The following MROH2B variants were observed in gnomAD, a reference collection of about 807,000 sequenced individuals.
MROH2B encodes the protein maestro heat like repeat family member 2B.
In MROH2B, 177 loss-of-function variants were observed where a neutral mutation model predicts 208.6. The observed-to-expected ratio is 0.85, with a 90% confidence interval of 0.75 to 0.96. MROH2B has a LOEUF of 0.96. MROH2B is among the 40% of genes least tolerant of loss of function. The pLI is 0.00. For missense variants in MROH2B, 2,002 were observed against 1,878.7 expected, an observed-to-expected ratio of 1.07 and a Z score of -1.21; for synonymous variants, 728 against 659.0, an observed-to-expected ratio of 1.10 and a Z score of -1.60.
Position 41,070,930 on chromosome 5 carries a change from G to T in MROH2B, c.-78C>A. The T allele has an allele frequency of 4.8e-6, 7 of 1,472,916 alleles. No individual in the cohort carries two copies. Among genetic ancestry groups the T allele is most frequent in the Non-Finnish European group, 6.5e-6 (7 of 1,070,436 alleles). The allele number at this position is 1,472,916 out of a possible 1,614,324, so 91.2% of individuals were successfully genotyped here. A position where few individuals can be genotyped will look rare whatever the true frequency, so the allele number is the denominator to read the frequency against. On this transcript the variant is annotated 5_prime_UTR_variant, in exon 1 of 42. Coordinates refer to ENST00000399564, the MANE Select transcript of MROH2B (RefSeq NM_173489.5). ...TAAGGCTAAAAAATCAAAGAGGCAGGTTGGCAAGTTTCTCATATAAGGTTC... is the reference window on the plus strand; with the variant it reads ...TAAGGCTAAAAAATCAAAGAGGCAGTTTGGCAAGTTTCTCATATAAGGTTC...
At chr5:41,049,535 C>T in intron 13 of MROH2B, 99 bp from the exon 14 acceptor site, 1 of 1,426,690 alleles carries the variant, frequency 7.0e-7, no homozygotes, top group Non-Finnish European at 9.3e-7. Flanking sequence ...AAGCTTTTCT[C>T]CTGTTATTAT....
chr5:41,069,217 T>C (rs1313923477), intron 2 of MROH2B, among the ~76,000 whole-genome samples: 1 of 152,216 alleles, frequency 6.6e-6, no homozygotes, highest in Non-Finnish European at 1.5e-5. Flanking sequence ...TCTAGCATTT[T>C]ACTTCCCAGA....
At chr5:41,023,672 A>G (rs549776367) in intron 24 of MROH2B, among the ~76,000 whole-genome samples, 1 of 152,324 alleles carries the variant, frequency 6.6e-6, no homozygotes, top group East Asian at 1.9e-4. Context: ...AAATTCAGGA[A>G]ATACAGAAAA....
intron 18 of MROH2B, among the ~76,000 whole-genome samples, chr5:41,042,513 C>T (rs549215582): frequency 5.3e-5 from 8 of 152,136 alleles, no homozygotes; most frequent in Non-Finnish European, 5.9e-5. Flanking sequence ...AGCAGAGGGT[C>T]TTATTCATTA....
chr5:41,009,844 C>G (rs1741718642), intron 31 of MROH2B, 78 bp downstream of exon 31: 1 of 1,430,226 alleles, frequency 7.0e-7, no homozygotes, highest in Non-Finnish European at 9.4e-7. Flanking sequence ...CTATCTTGCT[C>G]TCAAACCGTA....
rs530480439 is a variant in MROH2B, at chr5:41,067,941, G to T, written c.91-723C>A. Among the ~76,000 whole-genome samples the T allele has an allele frequency of 1.2e-4, 19 of 152,296 alleles. No homozygotes were observed. In the South Asian group the frequency reaches 3.9e-3, roughly 32 times the overall value. ...CTGTAACTCCCCAAGAGGCTGCTAG[G>T]CTATGAAACTGGATCCTAAGGGACA... is the stretch of plus-strand genomic sequence containing the variant. On this transcript the variant is annotated intron_variant, in intron 2 of 41. Transcript: ENST00000399564.
chr5:41,035,854 G>T (rs1407977923), intron 21 of MROH2B, among the ~76,000 whole-genome samples: 1 of 152,062 alleles, frequency 6.6e-6, no homozygotes, highest in Non-Finnish European at 1.5e-5. Context: ...CGCTGGTGAG[G>T]CTGGGGAGAA....
chr5:41,024,653 A>G (rs1030919434), intron 24 of MROH2B, among the ~76,000 whole-genome samples: 1 of 152,230 alleles, frequency 6.6e-6, no homozygotes, highest in Admixed American at 6.5e-5. Flanking sequence ...AAGGATATCC[A>G]GGAATTGAAC....
intron 6 of MROH2B, among the ~76,000 whole-genome samples, chr5:41,059,113 C>T (rs1413260496): frequency 1.3e-5 from 2 of 151,896 alleles, no homozygotes; most frequent in African/African-American, 4.8e-5. Flanking sequence ...CTATTACCCC[C>T]ACCTGACTCT....
Position 41,039,677 on chromosome 5 carries a change from C to T in MROH2B, c.1954-122G>A, listed in dbSNP as rs1412175634. The T allele has an allele frequency of 4.9e-6, 3 of 615,628 alleles. No individual in the cohort carries two copies. The East Asian group carries it at 8.7e-5, about 18-fold the overall frequency. 38.1% of individuals were successfully genotyped at this position (615,628 alleles called of 1,614,324 possible). A position where few individuals can be genotyped will look rare whatever the true frequency, so the allele number is the denominator to read the frequency against. On this transcript the variant is annotated intron_variant, in intron 19 of 41. Transcript: ENST00000399564. ...GCTGGGGGTACAGTAGTTTGCAGAA[C>T]ATACCAAAGTCCCCATCTTTGTAAG...
At chr5:41,018,292 C>G in intron 27 of MROH2B, 49 bp downstream of exon 27, 1 of 1,523,280 alleles carries the variant, frequency 6.6e-7, no homozygotes, top group South Asian at 1.2e-5. Context: ...CTCAGAGATC[C>G]CTGCTGTTCA....
chr5:41,014,680 C>A (rs985734005), intron 29 of MROH2B, among the ~76,000 whole-genome samples: 3 of 152,136 alleles, frequency 2.0e-5, no homozygotes, highest in Non-Finnish European at 4.4e-5. Flanking sequence ...CTCATTAACC[C>A]CTCTTTCTAC....
intron 37 of MROH2B, among the ~76,000 whole-genome samples, chr5:41,002,941 G>T (rs1741446515): frequency 6.6e-6 from 1 of 150,716 alleles, no homozygotes; most frequent in African/African-American, 2.4e-5. Flanking sequence ...CATTTTTGAG[G>T]ACAAGATAAT....
At chr5:41,033,764 C>T (rs1365465718) in intron 22 of MROH2B, 74 bp downstream of exon 22, 3 of 1,212,262 alleles carry the variant, frequency 2.5e-6, no homozygotes, top group Non-Finnish European at 3.5e-6. Context: ...CTTTGCTTGG[C>T]ACACTTCAGG....
chr5:41,009,536 G>C, intron 31 of MROH2B, 130 bp from the exon 32 acceptor site: 6 of 1,173,690 alleles, frequency 5.1e-6, no homozygotes, highest in Non-Finnish European at 6.0e-6. Flanking sequence ...ATGCTGCCAT[G>C]CCTGGGGATA....
Position 41,071,184 on chromosome 5 carries a change from A to G in MROH2B, c.-332T>C, listed in dbSNP as rs1257946904. 7.3e-6 allele frequency: 2 copies of G among 274,294 alleles called. No individual in the cohort carries two copies. The highest frequency in any genetic ancestry group is 1.4e-5 in the Non-Finnish European group (2 of 144,454). 17.0% of individuals were successfully genotyped at this position (274,294 alleles called of 1,614,324 possible). Reference sequence around the variant, plus strand: ...GTAATTAGAGACTGGGATTCAAACCATTGTTGCAGACCAAAGGTGCTCCTC... The same window carrying G: ...GTAATTAGAGACTGGGATTCAAACCGTTGTTGCAGACCAAAGGTGCTCCTC... On this transcript the variant is annotated 5_prime_UTR_variant, in exon 1 of 42. The change abolishes an upstream ATG in the 5' untranslated region. Transcript: ENST00000399564.
intron 40 of MROH2B, among the ~76,000 whole-genome samples, chr5:40,999,354 G>C (rs926844276): frequency 1.3e-5 from 2 of 152,158 alleles, no homozygotes; most frequent in Non-Finnish European, 2.9e-5. Flanking sequence ...AGGTGAAGAA[G>C]TGTTTATGTA....
chr5:41,042,809 T>G (rs533548452), intron 18 of MROH2B, among the ~76,000 whole-genome samples: 1 of 152,260 alleles, frequency 6.6e-6, no homozygotes, highest in African/African-American at 2.4e-5. Context: ...TTCACCATGT[T>G]GGCGAGGCTG....
At chr5:41,034,730 C>T (rs1409644323) in intron 21 of MROH2B, among the ~76,000 whole-genome samples, 1 of 152,108 alleles carries the variant, frequency 6.6e-6, no homozygotes, top group African/African-American at 2.4e-5. Flanking sequence ...CCTGCTGGAA[C>T]TGATTAATGA....
Sources: gnomAD v4.1 joint callset for allele counts (sites outside exome capture counted in the v4.1 genomes callset) on GRCh38, gnomAD v4.1.1 for gene constraint, MANE v1.5 for transcripts, NCBI Gene and HGNC (gene_info 2026-07-23, HGNC 2026-07-21) for gene names.